PLCB4: variants seen among roughly 807,000 people sequenced by gnomAD.
PLCB4 encodes the protein phospholipase C beta 4.
A neutral mutation model predicts 178.8 loss-of-function variants in PLCB4; 77 were observed. The observed-to-expected ratio is 0.43, with a 90% CI of 0.36 to 0.52. PLCB4 has a LOEUF of 0.52. Among genes scored for constraint, PLCB4 ranks in the 20% least tolerant of loss-of-function variants. The probability of loss-of-function intolerance (pLI) is 0.00; values close to 1 mark genes in which losing one functional copy is unlikely to be tolerated. For synonymous variants in PLCB4, 496 were observed against 490.8 expected (o/e 1.01, Z -0.14); for missense variants, 1,024 against 1,453.4 (o/e 0.70, Z 4.80).
chr20:9,221,726 T>C (rs1211305455), intron 3 of PLCB4, among the ~76,000 whole-genome samples: 4 of 152,192 alleles, frequency 2.6e-5, no homozygotes, highest in East Asian at 1.9e-4. Flanking sequence ...TTTCTACATA[T>C]ATTAGAGTTT....
chr20:9,451,533 G>A (rs567621613), intron 32 of PLCB4, among the ~76,000 whole-genome samples: 1 of 152,296 alleles, frequency 6.6e-6, no homozygotes, highest in South Asian at 2.1e-4. Context: ...AAGACTAGGA[G>A]GAGGGCATTT....
intron 14 of PLCB4, among the ~76,000 whole-genome samples, chr20:9,386,202 G>A (rs573425918): frequency 5.3e-5 from 8 of 151,950 alleles, no homozygotes; most frequent in Admixed American, 1.3e-4. Context: ...GCAGCGAGCC[G>A]AGACCACGGC....
intron 2 of PLCB4, among the ~76,000 whole-genome samples, chr20:9,157,514 G>A (rs562252579): frequency 1.6e-4 from 24 of 152,260 alleles, no homozygotes; most frequent in Non-Finnish European, 3.1e-4. Context: ...TAAGTAGGGA[G>A]AGAAGGAAAC....
intron 4 of PLCB4, among the ~76,000 whole-genome samples, chr20:9,315,054 T>C (rs2094883538): frequency 6.6e-6 from 1 of 152,100 alleles, no homozygotes; most frequent in South Asian, 2.1e-4. Flanking sequence ...GTATTTTTAG[T>C]AGAGATGTGG....
At chr20:9,261,416 TATAC>T (rs2094296207) in intron 3 of PLCB4, among the ~76,000 whole-genome samples, 1 of 152,206 alleles carries the variant, frequency 6.6e-6, no homozygotes, top group Non-Finnish European at 1.5e-5. Flanking sequence ...TGTCTAGACA[TATAC>T]ATATAACCAT....
At chr20:9,407,158 A>C in intron 21 of PLCB4, among the ~76,000 whole-genome samples, 1 of 152,150 alleles carries the variant, frequency 6.6e-6, no homozygotes, top group East Asian at 1.9e-4. Flanking sequence ...CCTGGGAACT[A>C]GTTACAGCAA....
chr20:9,351,710 T>A (rs1198979750), intron 7 of PLCB4, among the ~76,000 whole-genome samples: 1 of 152,208 alleles, frequency 6.6e-6, no homozygotes, highest in African/African-American at 2.4e-5. Flanking sequence ...GAATTACCTA[T>A]AGATTTGATT....
intron 7 of PLCB4, among the ~76,000 whole-genome samples, chr20:9,347,124 G>A (rs2033875914): frequency 6.6e-6 from 1 of 152,150 alleles, no homozygotes; most frequent in African/African-American, 2.4e-5. Context: ...TGGGAGCCAG[G>A]GAAATGATGT....
chr20:9,114,179 A>G (rs2091700079), intron 2 of PLCB4, among the ~76,000 whole-genome samples: 1 of 152,160 alleles, frequency 6.6e-6, no homozygotes, highest in African/African-American at 2.4e-5. Flanking sequence ...ATGCCATTGC[A>G]TTCTAGCCTG....
intron 32 of PLCB4, among the ~76,000 whole-genome samples, chr20:9,452,478 A>T (rs563684586): frequency 6.6e-6 from 1 of 152,286 alleles, no homozygotes; most frequent in East Asian, 1.9e-4. Context: ...TTAGGCTATA[A>T]CATCAAGTGT....
chr20:9,384,305 G>A lies in PLCB4; in HGVS notation c.958G>A (p.Ala320Thr), dbSNP rs1039852027. 4 of 1,613,930 alleles carry A rather than the reference G, an allele frequency of 2.5e-6. No individual in the cohort carries two copies. The highest frequency in any genetic ancestry group is 2.5e-6 in the Non-Finnish European group (3 of 1,179,850). ...ELYQEMDHPL[A>T]HYFISSSHNT... is the part of the protein sequence containing the mutation. Reference sequence around the variant, plus strand: ...TTACCAAGAAATGGACCATCCTCTGGCTCACTACTTCATCAGTTCTTCCCA... The same window carrying A: ...TTACCAAGAAATGGACCATCCTCTGACTCACTACTTCATCAGTTCTTCCCA... Residue 320 changes from alanine (A) to threonine (T), a missense_variant, in exon 14 of 40, where the codon GCT becomes ACT. By Grantham distance (58) the Ala-to-Thr change is moderately conservative (BLOSUM62 0). This residue lies in a region of PLCB4 where 263 missense variants were observed against 417.4 expected (regional missense o/e 0.63). Coordinates refer to ENST00000378473, the MANE Select transcript of PLCB4 (RefSeq NM_001377142.1).
intron 3 of PLCB4, among the ~76,000 whole-genome samples, chr20:9,248,947 T>G (rs1385772102): frequency 6.6e-6 from 1 of 152,186 alleles, no homozygotes; most frequent in Non-Finnish European, 1.5e-5. Context: ...CTTTCCTTTC[T>G]GGGGGCTCCT....
At chr20:9,211,805 T>G (rs1384125432) in intron 2 of PLCB4, among the ~76,000 whole-genome samples, 1 of 152,244 alleles carries the variant, frequency 6.6e-6, no homozygotes, top group Non-Finnish European at 1.5e-5. Flanking sequence ...TGCCCATGCA[T>G]TCTACATTAC....
At chr20:9,428,804 A>G (rs1379227273) in intron 28 of PLCB4, among the ~76,000 whole-genome samples, 1 of 152,150 alleles carries the variant, frequency 6.6e-6, no homozygotes, top group African/African-American at 2.4e-5. Flanking sequence ...AGTGCTCACC[A>G]CTGAGGCACT....
chr20:9,233,352 C>G (rs2093955218), intron 3 of PLCB4, among the ~76,000 whole-genome samples: 1 of 152,002 alleles, frequency 6.6e-6, no homozygotes, highest in Non-Finnish European at 1.5e-5. Flanking sequence ...AAGCACTGTT[C>G]TAAGCACTTG....
At chr20:9,152,640 G>A (rs1568847211) in intron 2 of PLCB4, among the ~76,000 whole-genome samples, 1 of 152,186 alleles carries the variant, frequency 6.6e-6, no homozygotes, top group Non-Finnish European at 1.5e-5. Context: ...GCAGGGGCGG[G>A]GAACTTCATG....
intron 35 of PLCB4, among the ~76,000 whole-genome samples, chr20:9,468,032 G>T (rs1406220734): frequency 6.6e-6 from 1 of 152,068 alleles, no homozygotes; most frequent in African/African-American, 2.4e-5. Flanking sequence ...CATTCCTGTG[G>T]CTGATAGAAA....
At chr20:9,227,508 G>A (rs1470713310) in intron 3 of PLCB4, among the ~76,000 whole-genome samples, 2 of 152,018 alleles carry the variant, frequency 1.3e-5, no homozygotes, top group Non-Finnish European at 2.9e-5. Flanking sequence ...TATGATGTGA[G>A]GTAGGGGTCT....
rs552330412 is a variant in PLCB4, at chr20:9,438,479, T to C, written c.2764+1327T>C. Among the ~76,000 whole-genome samples, 84 of 152,028 alleles carry C rather than the reference T, an allele frequency of 5.5e-4. No individual in the cohort carries two copies. In the South Asian group the frequency reaches 0.013, roughly 24 times the overall value. On this transcript the variant is annotated intron_variant, in intron 30 of 39. Coordinates refer to ENST00000378473, the MANE Select transcript of PLCB4 (RefSeq NM_001377142.1). The stretch of plus-strand genomic sequence containing the variant: ...TTCAAGGACAGATCCCAGAGATAGA[T>C]TGTACCATTGAGAGAAGTAGAGGAG...
Sources: gnomAD v4.1 joint callset for allele counts (sites outside exome capture counted in the v4.1 genomes callset) on GRCh38, gnomAD v4.1.1 for gene constraint, gnomAD v4.1.1 regional missense constraint, MANE v1.5 for transcripts, NCBI Gene and HGNC (gene_info 2026-07-23, HGNC 2026-07-21) for gene names.